RPGRIP1: variants seen among roughly 807,000 people sequenced by gnomAD.
The protein encoded by RPGRIP1 is RPGR interacting protein 1.
A neutral mutation model predicts 157.9 loss-of-function variants in RPGRIP1; 128 were observed. The ratio of observed to expected loss-of-function variants is 0.81; its 90% CI spans 0.70 to 0.94. RPGRIP1 has a LOEUF of 0.94. Ranked by LOEUF, RPGRIP1 falls within the 40% of genes least tolerant of loss-of-function variation. The pLI is 0.00. For synonymous variants in RPGRIP1, 554 were observed against 571.6 expected (o/e 0.97, Z 0.44); for missense variants, 1,486 against 1,545.8 (o/e 0.96, Z 0.65).
intron 10 of RPGRIP1, chr14:21,317,433 C>A: frequency 1.4e-6 from 1 of 722,582 alleles, no homozygotes; most frequent in Non-Finnish European, 2.2e-6. Context: ...TGGAGAAGTT[C>A]CTTGGGAAAT....
At chr14:21,307,098 A>C (rs891319000) in intron 6 of RPGRIP1, among the ~76,000 whole-genome samples, 2 of 151,352 alleles carry the variant, frequency 1.3e-5, no homozygotes, top group African/African-American at 4.9e-5. Context: ...TTGAGACAGA[A>C]TCTCACTCTG....
chr14:21,288,014 C>T lies in RPGRIP1; in HGVS notation c.38C>T (p.Pro13Leu). The change falls in exon 2 of 25, where the codon CCA becomes CTA. Residue 13 changes from proline (P) to leucine (L), a missense_variant. By Grantham distance (98) the Pro-to-Leu change is moderately conservative. Coordinates refer to ENST00000400017, the MANE Select transcript of RPGRIP1 (RefSeq NM_020366.4). ...HLVDPTSGDL[P>L]VRDIDAIPLV... ...GTGGACCCTACATCAGGAGACTTGC[C>T]AGTTAGAGACATAGATGCTATACCT... 1 of 1,613,574 alleles carries T rather than the reference C, an allele frequency of 6.2e-7. No individual in the cohort carries two copies. The highest frequency in any genetic ancestry group is 1.1e-5 in the South Asian group (1 of 91,072).
intron 16 of RPGRIP1, 193 bp from the exon 17 acceptor site, chr14:21,325,638 G>C: frequency 1.6e-6 from 1 of 630,328 alleles, no homozygotes; most frequent in Non-Finnish European, 2.7e-6. Flanking sequence ...AAGTTAAGTC[G>C]TGAGTGCCAG....
chr14:21,318,719 C>T (rs1038972389), intron 11 of RPGRIP1, among the ~76,000 whole-genome samples: 1 of 152,158 alleles, frequency 6.6e-6, no homozygotes. Context: ...AAGTGATCCA[C>T]CCGCCTCAGC....
intron 19 of RPGRIP1, 100 bp downstream of exon 19, chr14:21,328,727 G>A (rs747279817): frequency 8.0e-6 from 7 of 869,926 alleles, no homozygotes; most frequent in Non-Finnish European, 1.3e-5. Flanking sequence ...AGACACACAA[G>A]ATAAGCACTA....
chr14:21,351,026 C>T (rs1165971137), intron 24 of RPGRIP1, 78 bp from the exon 25 acceptor site: 11 of 743,646 alleles, frequency 1.5e-5, no homozygotes, highest in Non-Finnish European at 2.5e-5. Flanking sequence ...CATTTAGCAT[C>T]CCCAGTACCT....
intron 2 of RPGRIP1, among the ~76,000 whole-genome samples, chr14:21,292,067 A>AT (rs1880553614): frequency 6.6e-6 from 1 of 151,530 alleles, no homozygotes; most frequent in South Asian, 2.1e-4. Flanking sequence ...CAATTTTTAT[A>AT]TTTTTTGTAG....
rs1392176505 is a variant in RPGRIP1 at position 21,280,166 on chromosome 14, T to A, written c.-39+7T>A. 6.6e-6 allele frequency among the ~76,000 whole-genome samples: 1 copy of A among 152,146 alleles called. No individual in the cohort carries two copies. Among genetic ancestry groups the A allele is most frequent in the African/African-American group, 2.4e-5 (1 of 41,446 alleles). ...TCTGGAGCAAGCAAGAACTGTAAGT[T>A]TCTATCTGATGCATATTTATAGTTT... On this transcript the variant is annotated splice_region_variant and intron_variant, in intron 1 of 24. Transcript: ENST00000400017.
chr14:21,303,173 T>C (rs543360360), intron 5 of RPGRIP1, among the ~76,000 whole-genome samples, 158 bp from the exon 6 acceptor site: 7 of 152,180 alleles, frequency 4.6e-5, no homozygotes, highest in Non-Finnish European at 8.8e-5. Context: ...TGGCCCATAA[T>C]TCCTTTATGT....
At position 21,301,097 on chromosome 14, in the gene RPGRIP1, A is replaced by G. The variant is rs781732396; in HGVS notation, c.350A>G (p.Gln117Arg). ...TGGCGGCAGCGCCTCTCCATGCACC[A>G]GCGCCCCCAGATGCACCGACTGCAA... ...AGWRQRLSMHQRPQMHRLQGH... is the reference protein window; with the variant it reads ...AGWRQRLSMHRRPQMHRLQGH... The change falls in exon 4 of 25, where the codon CAG (glutamine) becomes CGG (arginine). Residue 117 changes from glutamine (Q) to arginine (R), a missense_variant. Coordinates refer to ENST00000400017, the MANE Select transcript of RPGRIP1 (RefSeq NM_020366.4). The G allele has an allele frequency of 4.3e-6, 7 of 1,611,750 alleles. No homozygotes were observed. The highest frequency in any genetic ancestry group is 2.7e-5 in the African/African-American group (2 of 74,912).
rs572785791 is a variant in RPGRIP1 at position 21,328,473 on chromosome 14, C to G, written c.2945C>G (p.Ser982Cys). Residue 982 changes from serine to cysteine, a missense_variant, in exon 19 of 25, where the codon TCT becomes TGT. Transcript: ENST00000400017. ...CCCATTGAAGCTGGCCAGTATCGAT[C>G]TAAGAGAAAACCTCCTCATGGGGGA... Reference protein sequence around the residue: ...EVPIEAGQYRSKRKPPHGGER... With the variant: ...EVPIEAGQYRCKRKPPHGGER... 6.2e-7 allele frequency: 1 copy of G among 1,613,732 alleles called. No individual in the cohort carries two copies. The highest frequency in any genetic ancestry group is 1.1e-5 in the South Asian group (1 of 91,074).
chr14:21,310,206 T>G (rs2139172841), intron 7 of RPGRIP1, among the ~76,000 whole-genome samples: 1 of 32,398 alleles, frequency 3.1e-5, no homozygotes. Context: ...ACATAGCAAC[T>G]ACTCAACTAA....
At chr14:21,326,481 C>T (rs1883122797) in intron 17 of RPGRIP1, among the ~76,000 whole-genome samples, 1 of 152,070 alleles carries the variant, frequency 6.6e-6, no homozygotes, top group African/African-American at 2.4e-5. Flanking sequence ...GAGTTTCGCT[C>T]TTGTTGCCCA....
intron 20 of RPGRIP1, among the ~76,000 whole-genome samples, chr14:21,333,158 A>G (rs1166239175): frequency 6.6e-6 from 1 of 152,224 alleles, no homozygotes; most frequent in Non-Finnish European, 1.5e-5. Flanking sequence ...AAGAAGCTAA[A>G]ATCTGCCTGG....
At chr14:21,318,147 C>G (rs957073262) in intron 11 of RPGRIP1, 6 of 530,384 alleles carry the variant, frequency 1.1e-5, no homozygotes, top group Non-Finnish European at 2.2e-5. Flanking sequence ...GCTCTTGTTG[C>G]TCAGGCTCGA....
Position 21,323,019 on chromosome 14 carries a change from A to G in RPGRIP1, c.1762+1015A>G, listed in dbSNP as rs113598009. Among the ~76,000 whole-genome samples the G allele has an allele frequency of 9.6e-3, 1,456 of 152,332 alleles. 27 individuals are homozygous for G. The highest frequency in any genetic ancestry group is 0.031 in the African/African-American group (1,300 of 41,570). ...AAACCCAAATGTTTGTTATTTTACA[A>G]TAGTGGCTATTCCACTGCTTCCATG... On this transcript the variant is annotated intron_variant, in intron 14 of 24. Coordinates refer to ENST00000400017, the MANE Select transcript of RPGRIP1 (RefSeq NM_020366.4).
At chr14:21,302,373 A>G in intron 4 of RPGRIP1, 115 bp from the exon 5 acceptor site, 2 of 485,082 alleles carry the variant, frequency 4.1e-6, no homozygotes, top group Non-Finnish European at 6.8e-6. Flanking sequence ...TTGTCATACA[A>G]GGGTTTCACC....
intron 4 of RPGRIP1, 85 bp from the exon 5 acceptor site, chr14:21,302,403 C>A: frequency 3.0e-6 from 2 of 664,050 alleles, no homozygotes; most frequent in Non-Finnish European, 4.7e-6. Context: ...AGACTCTATG[C>A]CCAGCCCTTC....
At chr14:21,325,650 A>G (rs552018411) in intron 16 of RPGRIP1, 181 bp from the exon 17 acceptor site, 181 of 638,006 alleles carry the variant, frequency 2.8e-4, no homozygotes, top group African/African-American at 2.0e-3. Flanking sequence ...GAGTGCCAGT[A>G]TCTCCCTGAA....
Sources: gnomAD v4.1 joint callset for allele counts (sites outside exome capture counted in the v4.1 genomes callset) on GRCh38, gnomAD v4.1.1 for gene constraint, MANE v1.5 for transcripts, NCBI Gene and HGNC (gene_info 2026-07-23, HGNC 2026-07-21) for gene names.